The following C4orf50 variants were observed in gnomAD, a reference collection of about 807,000 sequenced individuals.
C4orf50 encodes chromosome 4 open reading frame 50.
C4orf50 carries 80 observed loss-of-function variants against 77.2 expected under a neutral mutation model. The observed-to-expected ratio is 1.04, with a 90% CI of 0.87 to 1.25. The LOEUF is 1.25. C4orf50 is among the 50% of genes most tolerant of loss of function. The pLI is 0.00. For missense variants in C4orf50, 1,257 were observed against 1,152.9 expected (o/e 1.09, Z -1.31); for synonymous variants, 532 against 465.3 (o/e 1.14, Z -1.84).
intron 7 of C4orf50, among the ~76,000 whole-genome samples, chr4:5,924,001 C>T (rs115914197): frequency 0.021 from 3,205 of 152,240 alleles, 59 homozygotes; most frequent in South Asian, 0.043. Context: ...CTTCCCGCTC[C>T]TGAACATTAG....
At chr4:5,940,740 A>G (rs1452638900) in intron 7 of C4orf50, among the ~76,000 whole-genome samples, 1 of 152,160 alleles carries the variant, frequency 6.6e-6, no homozygotes, top group Non-Finnish European at 1.5e-5. Flanking sequence ...CAATAGAAAG[A>G]TGCAGAAGTG....
intron 7 of C4orf50, among the ~76,000 whole-genome samples, chr4:5,915,614 T>C (rs1034487436): frequency 9.9e-5 from 15 of 152,280 alleles, no homozygotes; most frequent in African/African-American, 3.6e-4. Flanking sequence ...GAAGAAAGGC[T>C]AGCAAACTGA....
chr4:5,977,631 T>G (rs1442661143), intron 29 of C4orf50, among the ~76,000 whole-genome samples: 1 of 152,260 alleles, frequency 6.6e-6, no homozygotes, highest in Non-Finnish European at 1.5e-5. Flanking sequence ...GTTCTGTTTC[T>G]TTGTTTTACA....
At chr4:5,991,499 A>T (rs1005823806) in intron 27 of C4orf50, among the ~76,000 whole-genome samples, 4 of 152,114 alleles carry the variant, frequency 2.6e-5, no homozygotes, top group Admixed American at 2.0e-4. Context: ...CCATATTTTT[A>T]ATGTATTTTT....
At chr4:5,936,799 A>C (rs1399609687) in intron 7 of C4orf50, among the ~76,000 whole-genome samples, 1 of 152,134 alleles carries the variant, frequency 6.6e-6, no homozygotes, top group East Asian at 1.9e-4. Flanking sequence ...AGGATAGATA[A>C]AAATGAATAT....
At chr4:5,963,626 T>G (rs6826735) in intron 33 of C4orf50, among the ~76,000 whole-genome samples, 101,689 of 152,118 alleles carry the variant, frequency 0.67, 34,798 homozygotes, top group African/African-American at 0.74. Context: ...CAGGAAAGAA[T>G]CCATGGGGAT....
Position 6,012,746 on chromosome 4 carries a change from G to C in C4orf50, c.288-778C>G, listed in dbSNP as rs190962390. On this transcript the variant is annotated intron_variant, in intron 23 of 33. Coordinates refer to ENST00000531445, the Ensembl canonical transcript of C4orf50. The stretch of plus-strand genomic sequence containing the variant: ...GGGAGGGAGACACACGCAGGGTCGG[G>C]GGAGAAAGTCCGAAAAGAAAGCCCA... 5.2e-3 allele frequency among the ~76,000 whole-genome samples: 795 copies of C among 152,324 alleles called. 11 individuals carry two copies. Among genetic ancestry groups the C allele is most frequent in the African/African-American group, 0.018 (752 of 41,550 alleles).
intron 28 of C4orf50, among the ~76,000 whole-genome samples, chr4:5,981,566 G>A (rs1345118568): frequency 2.0e-5 from 3 of 151,870 alleles, no homozygotes; most frequent in Non-Finnish European, 2.9e-5. Flanking sequence ...CACCACACCC[G>A]GCTAATTTTG....
rs753765556 is a variant in C4orf50 at position 5,989,464 on chromosome 4, C to T, written c.2582G>A (p.Trp861Ter). The change falls in exon 28 of 34, where the codon TGG (tryptophan) becomes TAG (stop). Residue 861 changes from tryptophan (W) to a stop codon, truncating the protein, a stop_gained. Coordinates refer to ENST00000531445, the Ensembl canonical transcript of C4orf50. LOFTEE classifies it high-confidence loss of function. ...CGCTTCTTCATTAGAACAAATACCC[C>T]AATTTCCCCAAACCTGCTGAGAGTG... is the stretch of plus-strand genomic sequence containing the variant. 162 of 1,535,970 alleles carry T rather than the reference C, an allele frequency of 1.1e-4. No homozygotes were observed. The highest frequency in any genetic ancestry group is 2.4e-5 in the Non-Finnish European group (28 of 1,146,914).
At chr4:5,973,802 T>G (rs772710563) in exon 31 of C4orf50, 1 of 1,613,348 alleles carries the variant, frequency 6.2e-7, no homozygotes, top group Non-Finnish European at 8.5e-7. Flanking sequence ...ATCAGGCGGT[T>G]CCTCTCCCGG....
chr4:5,995,671 G>A (rs1472395286), intron 25 of C4orf50, among the ~76,000 whole-genome samples: 1 of 152,204 alleles, frequency 6.6e-6, no homozygotes, highest in Admixed American at 6.5e-5. Context: ...TTTAGGAAGA[G>A]AACTTGGCTT....
intron 28 of C4orf50, among the ~76,000 whole-genome samples, chr4:5,985,442 T>A (rs1720806961): frequency 6.6e-6 from 1 of 151,240 alleles, no homozygotes; most frequent in Non-Finnish European, 1.5e-5. Flanking sequence ...TATTGAAAAA[T>A]TTTTATATTA....
At position 6,008,601 on chromosome 4, in the gene C4orf50, T is replaced by A. The variant is rs1560602188; in HGVS notation, c.427-69A>T. The A allele has an allele frequency of 2.5e-6, 1 of 395,804 alleles. No individual in the cohort carries two copies. Among genetic ancestry groups the A allele is most frequent in the African/African-American group, 2.1e-5 (1 of 48,456 alleles). The allele number at this position is 395,804 out of a possible 1,614,324, so 24.5% of individuals were successfully genotyped here. The stretch of plus-strand genomic sequence containing the variant: ...CACACCATGGTTCACATTGGTCCTG[T>A]CTTGACTTAACATTTCTGTATTTTG... On this transcript the variant is annotated intron_variant, in intron 24 of 33. Coordinates refer to ENST00000531445, the Ensembl canonical transcript of C4orf50. The surrounding 1 kb of genome is among the most constrained non-coding windows in gnomAD (Gnocchi z 6.0).
At position 6,011,480 on chromosome 4, in the gene C4orf50, C is replaced by T. The variant is rs772028770; in HGVS notation, c.426+350G>A. Among the ~76,000 whole-genome samples the T allele has an allele frequency of 6.6e-6, 1 of 152,080 alleles. No individual in the cohort carries two copies. Among genetic ancestry groups the T allele is most frequent in the South Asian group, 2.1e-4 (1 of 4,820 alleles). On this transcript the variant is annotated intron_variant, in intron 24 of 33. Transcript: ENST00000531445. The surrounding 1 kb of genome is among the most constrained non-coding windows in gnomAD (Gnocchi z 4.2). ...GATCGCACACTCCCCCATGGCACCCCACATCCGGGTTTAGAGTTATTTGTT... is the reference window on the plus strand; with the variant it reads ...GATCGCACACTCCCCCATGGCACCCTACATCCGGGTTTAGAGTTATTTGTT...
At chr4:6,003,949 A>ATGATGG (rs1722011336) in intron 25 of C4orf50, among the ~76,000 whole-genome samples, 1 of 1,866 alleles carries the variant, frequency 5.4e-4, no homozygotes, top group Non-Finnish European at 1.2e-3. Context: ...GATGGTGATG[A>ATGATGG]TGGTGATGGT....
At chr4:5,917,601 A>G (rs891558302) in intron 7 of C4orf50, among the ~76,000 whole-genome samples, 5 of 151,750 alleles carry the variant, frequency 3.3e-5, no homozygotes, top group Non-Finnish European at 5.9e-5. Context: ...TTTAGTAGAG[A>G]CAGGGTTTCA....
At position 5,994,219 on chromosome 4, in the gene C4orf50, C is replaced by T. The variant is rs546528536; in HGVS notation, c.1093+128G>A. The T allele has an allele frequency of 7.6e-6, 3 of 396,162 alleles. No homozygotes were observed. The South Asian group carries it at 4.2e-4, about 56-fold the overall frequency. 24.5% of individuals were successfully genotyped at this position (396,162 alleles called of 1,614,324 possible). A position where few individuals can be genotyped will look rare whatever the true frequency, so the allele number is the denominator to read the frequency against. On this transcript the variant is annotated intron_variant, in intron 26 of 33. Coordinates refer to ENST00000531445, the Ensembl canonical transcript of C4orf50. ...GACCCTACCTCTCTGAGCCTCGATT[C>T]TTGTCTGTAGGGAGGGGGGACCACC...
At chr4:5,993,336 T>C (rs1168555078) in intron 26 of C4orf50, among the ~76,000 whole-genome samples, 1 of 152,076 alleles carries the variant, frequency 6.6e-6, no homozygotes, top group Non-Finnish European at 1.5e-5. Context: ...AGAAATGAGA[T>C]AAAGGGAAAA....
chr4:6,012,583 G>A (rs1722533298), intron 23 of C4orf50, among the ~76,000 whole-genome samples: 1 of 152,154 alleles, frequency 6.6e-6, no homozygotes, highest in African/African-American at 2.4e-5. Context: ...TGAGAAGCTG[G>A]AAGTGGCTTA....
Sources: gnomAD v4.1 joint callset for allele counts (sites outside exome capture counted in the v4.1 genomes callset) on GRCh38, gnomAD v4.1.1 for gene constraint, Gnocchi (gnomAD v3.1) non-coding constraint, MANE v1.5 for transcripts, NCBI Gene and HGNC (gene_info 2026-07-23, HGNC 2026-07-21) for gene names.